Variants in STK32B observed in about 807,000 individuals in gnomAD.
STK32B encodes the protein serine/threonine kinase 32B.
A neutral mutation model predicts 52.6 loss-of-function variants in STK32B; 43 were observed. That is an observed-to-expected ratio of 0.82 (90% CI 0.64 to 1.05). The LOEUF (loss-of-function observed/expected upper bound fraction) is 1.05. STK32B is among the 50% of genes least tolerant of loss of function. The pLI is 0.00. For missense variants in STK32B, 621 were observed against 534.6 expected, an observed-to-expected ratio of 1.16 and a Z score of -1.59; for synonymous variants, 238 against 204.3, an observed-to-expected ratio of 1.17 and a Z score of -1.41.
chr4:5,157,410 A>ATGATAGC (rs1717946930), intron 2 of STK32B, among the ~76,000 whole-genome samples: 1 of 152,024 alleles, frequency 6.6e-6, no homozygotes, highest in African/African-American at 2.4e-5. Context: ...ATTTCCATTG[A>ATGATAGC]TGATAGCTGC....
chr4:5,416,368 A>G lies in STK32B; in HGVS notation c.473-477A>G, dbSNP rs113142420. ...ATCCTGGATGGAAGGTGGTCTCAAC[A>G]CCACAGCCTTCTCCCTACTAAATTC... On this transcript the variant is annotated intron_variant, in intron 5 of 11. Coordinates refer to ENST00000282908, the MANE Select transcript of STK32B (RefSeq NM_018401.3). Among the ~76,000 whole-genome samples, 652 of 152,158 alleles carry G rather than the reference A, an allele frequency of 4.3e-3. 3 individuals carry two copies. The highest frequency in any genetic ancestry group is 0.013 in the African/African-American group (540 of 41,510).
chr4:5,380,316 C>T lies in STK32B; in HGVS notation c.435-17891C>T, dbSNP rs1735861361. ...TCCAGGCCCTCGCTTCCCTCCCAGC[C>T]CTCCTCCCGAATCTCTCCAACGCTA... On this transcript the variant is annotated intron_variant, in intron 4 of 11. Coordinates refer to ENST00000282908, the MANE Select transcript of STK32B (RefSeq NM_018401.3). The surrounding 1 kb of genome is among the most constrained non-coding windows in gnomAD (Gnocchi z 4.3). Among the ~76,000 whole-genome samples, 1 of 152,108 alleles carries T rather than the reference C, an allele frequency of 6.6e-6. No homozygotes were observed. The highest frequency in any genetic ancestry group is 2.1e-4 in the South Asian group (1 of 4,820).
intron 11 of STK32B, among the ~76,000 whole-genome samples, chr4:5,497,155 T>C (rs1720337225): frequency 6.6e-6 from 1 of 152,204 alleles, no homozygotes; most frequent in Admixed American, 6.5e-5. Flanking sequence ...ACGCAGACTC[T>C]TTAAATAATC....
At chr4:5,353,332 T>A (rs1733962644) in intron 4 of STK32B, among the ~76,000 whole-genome samples, 1 of 151,828 alleles carries the variant, frequency 6.6e-6, no homozygotes, top group Non-Finnish European at 1.5e-5. Flanking sequence ...ATTCAGGATA[T>A]TGCTCTAGGC....
chr4:5,187,694 T>A (rs537661555), intron 3 of STK32B, among the ~76,000 whole-genome samples: 1 of 152,296 alleles, frequency 6.6e-6, no homozygotes, highest in East Asian at 1.9e-4. Flanking sequence ...GATTTCAAAC[T>A]AACAATATGG....
intron 6 of STK32B, among the ~76,000 whole-genome samples, chr4:5,439,089 A>G (rs1714436650): frequency 6.7e-6 from 1 of 149,260 alleles, no homozygotes; most frequent in African/African-American, 2.5e-5. Context: ...TTATAGCAGC[A>G]TGATTTATAG....
chr4:5,482,951 T>C (rs1294929676), intron 11 of STK32B, among the ~76,000 whole-genome samples: 2 of 152,234 alleles, frequency 1.3e-5, no homozygotes, highest in African/African-American at 2.4e-5. Flanking sequence ...TTGATCATGG[T>C]GGATAAGCTT....
At position 5,052,064 on chromosome 4, in the gene STK32B, C is replaced by T. The variant is rs985276295; in HGVS notation, c.52+149C>T. On this transcript the variant is annotated intron_variant, in intron 1 of 11. Transcript: ENST00000282908. ...CCAGCGAATGCAGTGTGTGCCCGACCCGTGCCAGGCGCGGCGCTTCTGCTG... is the reference window on the plus strand; with the variant it reads ...CCAGCGAATGCAGTGTGTGCCCGACTCGTGCCAGGCGCGGCGCTTCTGCTG... 2.1e-5 allele frequency: 26 copies of T among 1,257,118 alleles called. No homozygotes were observed. The East Asian group carries it at 6.1e-4, about 30-fold the overall frequency. The allele number at this position is 1,257,118 out of a possible 1,614,324, so 77.9% of individuals were successfully genotyped here.
intron 3 of STK32B, among the ~76,000 whole-genome samples, chr4:5,323,521 CTG>C (rs1461820358): frequency 1.3e-5 from 2 of 152,180 alleles, no homozygotes; most frequent in Non-Finnish European, 2.9e-5. Context: ...TCCCTGGTCT[CTG>C]TGACAAGAAG....
chr4:5,301,664 C>CT lies in STK32B; in HGVS notation c.261-29542dup, dbSNP rs3077861. Among the ~76,000 whole-genome samples the CT allele has an allele frequency of 3.9e-3, 426 of 108,496 alleles. 6 individuals are homozygous for CT. The highest frequency in any genetic ancestry group is 3.9e-3 in the Non-Finnish European group (185 of 47,258). 71.2% of individuals were successfully genotyped at this position (108,496 alleles called of 152,430 possible). On this transcript the variant is annotated intron_variant, in intron 3 of 11. Transcript: ENST00000282908. ...TTAATAATTTGAGTTTCTTTTCTTTCTTTTTTTTTTTTTTGGACAGTCTAG... is the reference window on the plus strand; with the variant it reads ...TTAATAATTTGAGTTTCTTTTCTTTCTTTTTTTTTTTTTTTGGACAGTCTAG...
In STK32B at chr4:5,498,179, A is replaced by T. The variant is rs79498631; in HGVS notation, c.1107-766A>T. Among the ~76,000 whole-genome samples, 8 of 152,208 alleles carry T rather than the reference A, an allele frequency of 5.3e-5. No individual in the cohort carries two copies. In the East Asian group the frequency reaches 1.3e-3, roughly 26 times the overall value. ...CTCTAAAAATTCTCACTGCCTCCTT[A>T]AACGTCTCCATTCCGTTCTTGCTGC... On this transcript the variant is annotated intron_variant, in intron 11 of 11. Transcript: ENST00000282908.
chr4:5,161,524 G>T (rs548989246), intron 2 of STK32B, among the ~76,000 whole-genome samples: 1 of 152,268 alleles, frequency 6.6e-6, no homozygotes, highest in East Asian at 1.9e-4. Flanking sequence ...TTGGAGAAGA[G>T]AAAAAGGTGA....
intron 1 of STK32B, among the ~76,000 whole-genome samples, chr4:5,067,489 T>C (rs912622148): frequency 6.6e-6 from 1 of 152,104 alleles, no homozygotes; most frequent in African/African-American, 2.4e-5. Context: ...CAGAATAGAC[T>C]AAGGAAAATC....
rs1736735483 is a variant in STK32B, at chr4:5,394,081, C to G, written c.435-4126C>G. On this transcript the variant is annotated intron_variant, in intron 4 of 11. Coordinates refer to ENST00000282908, the MANE Select transcript of STK32B (RefSeq NM_018401.3). This position sits in a 1 kb window ranked among gnomAD's most constrained non-coding sequence, Gnocchi z 4.2. ...TGCCAAAAGACACATGCAGAAACATCCTGGTGGCCCTGCTTTGCAGTCTGT... is the reference window on the plus strand; with the variant it reads ...TGCCAAAAGACACATGCAGAAACATGCTGGTGGCCCTGCTTTGCAGTCTGT... 6.6e-6 allele frequency among the ~76,000 whole-genome samples: 1 copy of G among 152,190 alleles called. No individual in the cohort carries two copies. The highest frequency in any genetic ancestry group is 2.1e-4 in the South Asian group (1 of 4,836).
At chr4:5,349,131 A>G (rs1733664564) in intron 4 of STK32B, among the ~76,000 whole-genome samples, 1 of 152,070 alleles carries the variant, frequency 6.6e-6, no homozygotes, top group Admixed American at 6.6e-5. Flanking sequence ...CTGGCCCACT[A>G]CTGCCATTCT....
intron 3 of STK32B, among the ~76,000 whole-genome samples, chr4:5,171,730 G>T (rs1390572350): frequency 6.8e-6 from 1 of 147,876 alleles, no homozygotes; most frequent in Non-Finnish European, 1.5e-5. Context: ...ATGGTTTGAA[G>T]TCAGGTAGCG....
At chr4:5,452,227 C>G (rs372765063) in intron 7 of STK32B, among the ~76,000 whole-genome samples, 23 of 152,310 alleles carry the variant, frequency 1.5e-4, no homozygotes, top group African/African-American at 5.5e-4. Context: ...GTCAGCACTT[C>G]TCCTTAGGAA....
intron 3 of STK32B, among the ~76,000 whole-genome samples, chr4:5,260,000 GA>G (rs766181484): frequency 5.9e-5 from 9 of 151,932 alleles, no homozygotes; most frequent in Non-Finnish European, 8.8e-5. Flanking sequence ...GAATCTTCCT[GA>G]GGGGGGGTCA....
rs540170637 is a variant in STK32B at position 5,217,389 on chromosome 4, G to C, written c.260+48939G>C. On this transcript the variant is annotated intron_variant, in intron 3 of 11. Transcript: ENST00000282908. ...GCAGAACAATGAAGGTGAAGGAGGC[G>C]GTGGGGGAGGATGCATTAAAAATGA... Among the ~76,000 whole-genome samples the C allele has an allele frequency of 4.6e-5, 7 of 152,266 alleles. No individual in the cohort carries two copies. In the South Asian group the frequency reaches 1.5e-3, roughly 32 times the overall value.
Sources: allele counts gnomAD v4.1 joint callset (sites outside exome capture counted in the v4.1 genomes callset), GRCh38; gene constraint gnomAD v4.1.1; non-coding constraint Gnocchi (gnomAD v3.1); transcripts MANE v1.5; gene names NCBI Gene and HGNC (gene_info 2026-07-23, HGNC 2026-07-21).